The following SLC18A2 variants were observed in gnomAD, a reference collection of about 807,000 sequenced individuals.
SLC18A2 encodes synaptic vesicular amine transporter.
Under a neutral mutation model 59.2 loss-of-function variants are expected in SLC18A2, and 33 were observed. The observed-to-expected ratio is 0.56, with a 90% CI of 0.42 to 0.75. SLC18A2 has a LOEUF of 0.75. Among genes scored for constraint, SLC18A2 ranks in the 30% least tolerant of loss-of-function variants. The pLI is 0.00. For synonymous variants in SLC18A2, 228 were observed against 253.5 expected (o/e 0.90, Z 0.95); for missense variants, 569 against 668.6 (o/e 0.85, Z 1.64).
In SLC18A2 at chr10:117,258,498, T is replaced by C. The variant is rs1024116112; in HGVS notation, c.991+606T>C. Among the ~76,000 whole-genome samples the C allele has an allele frequency of 4.6e-5, 7 of 152,252 alleles. No individual in the cohort carries two copies. In the East Asian group the frequency reaches 1.3e-3, roughly 29 times the overall value. On this transcript the variant is annotated intron_variant, in intron 10 of 15. Coordinates refer to ENST00000644641, the MANE Select transcript of SLC18A2 (RefSeq NM_003054.6). ...TACATCACTGTGTGACCTCTTGTTT[T>C]TCCTTCATGCAATTTTGTGGCCATG...
Position 117,270,225 on chromosome 10 carries a change from C to T in SLC18A2, c.1306+35C>T, listed in dbSNP as rs930871721. On this transcript the variant is annotated intron_variant, in intron 14 of 15. Coordinates refer to ENST00000644641, the MANE Select transcript of SLC18A2 (RefSeq NM_003054.6). ...TTGGCTTTTCATAAGAACCTTTTACCTCAATACGTAATGGATAACGTCTAC... is the reference window on the plus strand; with the variant it reads ...TTGGCTTTTCATAAGAACCTTTTACTTCAATACGTAATGGATAACGTCTAC... 5 of 1,613,776 alleles carry T rather than the reference C, an allele frequency of 3.1e-6. No homozygotes were observed. The African/African-American group carries it at 4.0e-5, about 13-fold the overall frequency.
chr10:117,267,732 A>C lies in SLC18A2; in HGVS notation c.1182A>C (p.Ala394=), dbSNP rs773623468. 5.0e-5 allele frequency: 78 copies of C among 1,557,958 alleles called. No individual in the cohort carries two copies. The highest frequency in any genetic ancestry group is 6.9e-5 in the Non-Finnish European group (78 of 1,137,852). ...CTCCGAACTTTGGAGTTGGTTTTGCAATTGGTAAGTCACACGAACCTTGTG... is the reference window on the plus strand; with the variant it reads ...CTCCGAACTTTGGAGTTGGTTTTGCCATTGGTAAGTCACACGAACCTTGTG... ...LIAPNFGVGF[A]IGMVDSSMMP... is the part of the protein sequence containing the mutation. Residue 394 remains alanine, a synonymous_variant, in exon 13 of 16, where the codon GCA becomes GCC. Transcript: ENST00000644641.
chr10:117,260,018 C>G (rs913403108), intron 10 of SLC18A2, among the ~76,000 whole-genome samples: 4 of 152,156 alleles, frequency 2.6e-5, no homozygotes, highest in Non-Finnish European at 4.4e-5. Context: ...TATTCCTGTT[C>G]ATCTTTTAAA....
At chr10:117,274,552 C>T (rs1163044952) in intron 15 of SLC18A2, among the ~76,000 whole-genome samples, 4 of 152,100 alleles carry the variant, frequency 2.6e-5, no homozygotes, top group Admixed American at 1.3e-4. Context: ...GTGCAAGGAT[C>T]GAGGCCCCAT....
Position 117,269,701 on chromosome 10 carries a change from A to C in SLC18A2, c.1187-370A>C, listed in dbSNP as rs1844401688. On this transcript the variant is annotated intron_variant, in intron 13 of 15. Transcript: ENST00000644641. The surrounding 1 kb of genome is among the most constrained non-coding windows in gnomAD (Gnocchi z 5.1). ...CCCTCCACATGTGTCAGTGGCAGGCACATGAGGAAAGTTTCTTTCATTGAA... is the reference window on the plus strand; with the variant it reads ...CCCTCCACATGTGTCAGTGGCAGGCCCATGAGGAAAGTTTCTTTCATTGAA... Among the ~76,000 whole-genome samples the C allele has an allele frequency of 6.6e-6, 1 of 152,206 alleles. No homozygotes were observed. The highest frequency in any genetic ancestry group is 2.4e-5 in the African/African-American group (1 of 41,456).
rs1565011637 is a variant in SLC18A2 at position 117,277,306 on chromosome 10, A to T, written c.*40A>T. ...AAATCATCAAAGTGTTTAATTGTATAAAACAGTGTTTCCAGTGACACAACT... is the reference window on the plus strand; with the variant it reads ...AAATCATCAAAGTGTTTAATTGTATTAAACAGTGTTTCCAGTGACACAACT... On this transcript the variant is annotated 3_prime_UTR_variant, in exon 16 of 16. Coordinates refer to ENST00000644641, the MANE Select transcript of SLC18A2 (RefSeq NM_003054.6). 1 of 1,282,094 alleles carries T rather than the reference A, an allele frequency of 7.8e-7. No individual in the cohort carries two copies. Among genetic ancestry groups the T allele is most frequent in the Admixed American group, 1.8e-5 (1 of 56,898 alleles). The allele number at this position is 1,282,094 out of a possible 1,614,324, so 79.4% of individuals were successfully genotyped here.
rs1682342188 is a variant in SLC18A2, at chr10:117,270,123, G to A, written c.1239G>A (p.Arg413=). The change falls in exon 14 of 16, where the codon CGG becomes CGA. Residue 413 remains arginine (R), a synonymous_variant. Coordinates refer to ENST00000644641, the MANE Select transcript of SLC18A2 (RefSeq NM_003054.6). The stretch of plus-strand genomic sequence containing the variant: ...TCATGGGCTACCTCGTAGACCTGCG[G>A]CACGTGTCCGTCTATGGGAGTGTGT... The part of the protein sequence containing the change: ...MPIMGYLVDL[R]HVSVYGSVYA... 2.2e-5 allele frequency: 36 copies of A among 1,614,254 alleles called. No individual in the cohort carries two copies. Among genetic ancestry groups the A allele is most frequent in the Non-Finnish European group, 3.1e-5 (36 of 1,180,052 alleles).
chr10:117,273,957 C>T (rs1033982194), intron 15 of SLC18A2, among the ~76,000 whole-genome samples: 1 of 152,150 alleles, frequency 6.6e-6, no homozygotes, highest in East Asian at 1.9e-4. Flanking sequence ...CCAATCCTCT[C>T]CTATTGATTT....
chr10:117,250,622 C>G (rs1335647934), intron 3 of SLC18A2, among the ~76,000 whole-genome samples: 4 of 152,204 alleles, frequency 2.6e-5, no homozygotes, highest in Admixed American at 2.0e-4. Context: ...GCGTCCCCAC[C>G]CAGGTGCACA....
chr10:117,256,172 T>A lies in SLC18A2; in HGVS notation c.895+515T>A, dbSNP rs363244. 8.0e-4 allele frequency among the ~76,000 whole-genome samples: 122 copies of A among 152,328 alleles called. 1 individual carries two copies. In the East Asian group the frequency reaches 0.021, roughly 26 times the overall value. On this transcript the variant is annotated intron_variant, in intron 9 of 15. Coordinates refer to ENST00000644641, the MANE Select transcript of SLC18A2 (RefSeq NM_003054.6). ...CAGCAGGGAGGCCGTTCAAACACCC[T>A]TTGGCTAAAGGACATGCTTTGGCCT... is the stretch of plus-strand genomic sequence containing the variant.
At chr10:117,245,258 G>A (rs1025859010) in intron 3 of SLC18A2, among the ~76,000 whole-genome samples, 2 of 152,306 alleles carry the variant, frequency 1.3e-5, no homozygotes, top group African/African-American at 4.8e-5. Context: ...GGGGAGGGGT[G>A]TGCCCAGAGT....
rs908605033 is a variant in SLC18A2 at position 117,277,356 on chromosome 10, C to A, written c.*90C>A. 3.7e-5 allele frequency: 26 copies of A among 704,494 alleles called. No individual in the cohort carries two copies. The highest frequency in any genetic ancestry group is 2.5e-4 in the Middle Eastern group (1 of 4,072). 43.6% of individuals were successfully genotyped at this position (704,494 alleles called of 1,614,324 possible). ...TCATCCAGAACTGTCTTAGTCATAC[C>A]ATCCATCCCTGGTGAAAGAGTAAAA... is the stretch of plus-strand genomic sequence containing the variant. On this transcript the variant is annotated 3_prime_UTR_variant, in exon 16 of 16. Coordinates refer to ENST00000644641, the MANE Select transcript of SLC18A2 (RefSeq NM_003054.6).
At chr10:117,260,066 T>C (rs376568224) in intron 10 of SLC18A2, among the ~76,000 whole-genome samples, 1 of 152,374 alleles carries the variant, frequency 6.6e-6, no homozygotes. Context: ...CTATCATATC[T>C]TAAATCTGAA....
intron 10 of SLC18A2, among the ~76,000 whole-genome samples, chr10:117,258,125 T>C (rs1208482430): frequency 6.6e-6 from 1 of 152,206 alleles, no homozygotes; most frequent in Non-Finnish European, 1.5e-5. Context: ...TGGGCAGAAA[T>C]GAGAGTAAAA....
rs1788295792 is a variant in SLC18A2 at position 117,269,952 on chromosome 10, G to T, written c.1187-119G>T. 2 of 1,193,638 alleles carry T rather than the reference G, an allele frequency of 1.7e-6. No homozygotes were observed. Among genetic ancestry groups the T allele is most frequent in the South Asian group, 1.4e-5 (1 of 70,344 alleles). 73.9% of individuals were successfully genotyped at this position (1,193,638 alleles called of 1,614,324 possible). Reference sequence around the variant, plus strand: ...TAGTATCACCCCAAGACTTGCAGGTGGTGATGACAGAAGGGGAAGAGCTGG... The same window carrying T: ...TAGTATCACCCCAAGACTTGCAGGTTGTGATGACAGAAGGGGAAGAGCTGG... On this transcript the variant is annotated intron_variant, in intron 13 of 15. Transcript: ENST00000644641. The surrounding 1 kb of genome is among the most constrained non-coding windows in gnomAD (Gnocchi z 5.1).
chr10:117,263,571 A>T (rs1168458634), intron 10 of SLC18A2, among the ~76,000 whole-genome samples: 1 of 152,080 alleles, frequency 6.6e-6, no homozygotes, highest in African/African-American at 2.4e-5. Flanking sequence ...CTGCCCCCCA[A>T]ATTCCTCATC....
intron 10 of SLC18A2, among the ~76,000 whole-genome samples, chr10:117,263,651 T>C (rs977190877): frequency 2.6e-5 from 4 of 152,156 alleles, no homozygotes; most frequent in African/African-American, 9.7e-5. Flanking sequence ...TTTCTCTATA[T>C]CTGAGTTCTA....
intron 10 of SLC18A2, among the ~76,000 whole-genome samples, chr10:117,259,554 C>G (rs751819452): frequency 9.9e-5 from 15 of 152,238 alleles, no homozygotes; most frequent in Non-Finnish European, 1.9e-4. Flanking sequence ...GTAAAGGTCT[C>G]TGAGACCCTG....
chr10:117,252,134 A>ATTTTT lies in SLC18A2; in HGVS notation c.465-1240_465-1236dup, dbSNP rs57101171. On this transcript the variant is annotated intron_variant, in intron 3 of 15. Transcript: ENST00000644641. ...CTACTATGCCTGACTCATTTTTTGT[A>ATTTTT]TTTTTTTTTTTTTTTTTTTTTTTTT... Among the ~76,000 whole-genome samples, 162 of 44,352 alleles carry ATTTTT rather than the reference A, an allele frequency of 3.7e-3. 14 individuals carry two copies. The highest frequency in any genetic ancestry group is 0.015 in the South Asian group (12 of 776). 29.1% of individuals were successfully genotyped at this position (44,352 alleles called of 152,430 possible). A position where few individuals can be genotyped will look rare whatever the true frequency, so the allele number is the denominator to read the frequency against.
Sources: allele counts gnomAD v4.1 joint callset (sites outside exome capture counted in the v4.1 genomes callset), GRCh38; gene constraint gnomAD v4.1.1; non-coding constraint Gnocchi (gnomAD v3.1); transcripts MANE v1.5; gene names NCBI Gene and HGNC (gene_info 2026-07-23, HGNC 2026-07-21).